GSDMC: variants seen among roughly 807,000 people sequenced by gnomAD.
GSDMC encodes gasdermin-C.
Under a neutral mutation model 58.0 loss-of-function variants are expected in GSDMC, and 59 were observed. The ratio of observed to expected loss-of-function variants is 1.02; its 90% CI spans 0.82 to 1.26. The LOEUF is 1.26. Ranked by LOEUF, GSDMC falls within the 50% of genes most tolerant of loss-of-function variation. GSDMC has a pLI of 0.00. For synonymous variants in GSDMC, 241 were observed against 220.2 expected (o/e 1.09, Z -0.83); for missense variants, 659 against 598.5 (o/e 1.10, Z -1.06).
Position 129,782,208 on chromosome 8 carries a change from A to C in GSDMC, c.-5+3803T>G, listed in dbSNP as rs570532674. Reference sequence around the variant, plus strand: ...CATACCAAAACCCATGGGATACAGCAAAAGCAGTACAAAGAGGGAAATTTA... The same window carrying C: ...CATACCAAAACCCATGGGATACAGCCAAAGCAGTACAAAGAGGGAAATTTA... On this transcript the variant is annotated intron_variant, in intron 1 of 13. Coordinates refer to ENST00000276708, the MANE Select transcript of GSDMC (RefSeq NM_031415.3). 2.6e-5 allele frequency among the ~76,000 whole-genome samples: 4 copies of C among 152,324 alleles called. No homozygotes were observed. In the East Asian group the frequency reaches 5.8e-4, roughly 22 times the overall value.
the GSDMC span, among the ~76,000 whole-genome samples, chr8:129,718,655 C>T: frequency 6.6e-6 from 1 of 152,130 alleles, no homozygotes; most frequent in Non-Finnish European, 1.5e-5. Flanking sequence ...CCAGAAATAC[C>T]ATTTGACCCA....
the GSDMC span, among the ~76,000 whole-genome samples, chr8:129,730,754 T>G: frequency 6.6e-6 from 1 of 152,212 alleles, no homozygotes; most frequent in South Asian, 2.1e-4. Context: ...TTAACAATTT[T>G]CCAACTTTAC....
At chr8:129,773,380 T>G (rs1258575980) in intron 3 of GSDMC, among the ~76,000 whole-genome samples, 1 of 152,206 alleles carries the variant, frequency 6.6e-6, no homozygotes, top group African/African-American at 2.4e-5. Context: ...CCTAAAAACT[T>G]CATTTAAAAA....
At chr8:129,774,541 A>T (rs1458670228) in intron 3 of GSDMC, among the ~76,000 whole-genome samples, 2 of 151,170 alleles carry the variant, frequency 1.3e-5, no homozygotes, top group East Asian at 3.9e-4. Flanking sequence ...AAAAAAAAAA[A>T]GAAAAGAAAA....
the GSDMC span, among the ~76,000 whole-genome samples, chr8:129,732,492 G>T: frequency 2.6e-5 from 4 of 152,180 alleles, no homozygotes; most frequent in African/African-American, 9.7e-5. Context: ...AAGGTCTCCA[G>T]ATGAGAAGGA....
chr8:129,762,026 T>C (rs2033681267), intron 5 of GSDMC, among the ~76,000 whole-genome samples: 1 of 152,124 alleles, frequency 6.6e-6, no homozygotes, highest in South Asian at 2.1e-4. Context: ...TGAGAGCCAG[T>C]TGTGTTCCCA....
chr8:129,777,316 T>A, intron 2 of GSDMC, 52 bp downstream of exon 2: 1 of 1,117,846 alleles, frequency 8.9e-7, no homozygotes, highest in Non-Finnish European at 1.3e-6. Context: ...CATCTTTTTC[T>A]GACCACACAT....
At chr8:129,737,881 C>T in the GSDMC span, among the ~76,000 whole-genome samples, 1 of 152,172 alleles carries the variant, frequency 6.6e-6, no homozygotes, top group African/African-American at 2.4e-5. Flanking sequence ...AGGCAACCTA[C>T]AGAATGGGAG....
At chr8:129,754,120 G>C (rs1196470569) in intron 6 of GSDMC, among the ~76,000 whole-genome samples, 2 of 152,230 alleles carry the variant, frequency 1.3e-5, no homozygotes, top group African/African-American at 4.8e-5. Flanking sequence ...TTTGTCACCT[G>C]CTGATTGTAG....
chr8:129,778,767 A>G lies in GSDMC; in HGVS notation c.-4-1176T>C, dbSNP rs963737052. Among the ~76,000 whole-genome samples the G allele has an allele frequency of 5.3e-5, 6 of 113,416 alleles. 1 individual carries two copies. Among genetic ancestry groups the G allele is most frequent in the Admixed American group, 5.0e-4 (5 of 10,056 alleles). 74.4% of individuals were successfully genotyped at this position (113,416 alleles called of 152,430 possible). ...AGGAACTTGAGCCAATTTACAAGAA[A>G]AAAAAAAAAACATTAAGAAGTGGGC... is the stretch of plus-strand genomic sequence containing the variant. On this transcript the variant is annotated intron_variant, in intron 1 of 13. Coordinates refer to ENST00000276708, the MANE Select transcript of GSDMC (RefSeq NM_031415.3).
chr8:129,706,971 G>C, the GSDMC span: 1 of 152,142 alleles, frequency 6.6e-6, no homozygotes, highest in Non-Finnish European at 1.5e-5. Flanking sequence ...GGAAAATAGA[G>C]AATATTTAAT....
At chr8:129,705,793 G>A in the GSDMC span, among the ~76,000 whole-genome samples, 1 of 152,300 alleles carries the variant, frequency 6.6e-6, no homozygotes, top group East Asian at 1.9e-4. Flanking sequence ...GGAGTGAAGG[G>A]GAGGAGTAGA....
intron 12 of GSDMC, 39 bp from the exon 13 acceptor site, chr8:129,749,564 G>A (rs754140257): frequency 6.7e-7 from 1 of 1,498,978 alleles, no homozygotes; most frequent in Non-Finnish European, 9.3e-7. Flanking sequence ...CAGTAGTGAA[G>A]AATCCAGATT....
chr8:129,776,184 C>T lies in GSDMC; in HGVS notation c.322G>A (p.Glu108Lys). 6.2e-7 allele frequency: 1 copy of T among 1,613,876 alleles called. No individual in the cohort carries two copies. Among genetic ancestry groups the T allele is most frequent in the South Asian group, 1.1e-5 (1 of 91,074 alleles). Residue 108 changes from glutamate to lysine, a missense_variant, in exon 3 of 14, where the codon GAG (glutamate) becomes AAG (lysine). Glu to Lys is a moderately conservative substitution (Grantham distance 56). Coordinates refer to ENST00000276708, the MANE Select transcript of GSDMC (RefSeq NM_031415.3). ...GAGCATCCATGGTCCACAGAGGCCT[C>T]CCCTGACACACTCACTTCTATACCA... ...NVGIEVSVSG[E>K]ASVDHGCSLE...
chr8:129,760,180 C>A (rs1600932), intron 6 of GSDMC, among the ~76,000 whole-genome samples: 1 of 151,830 alleles, frequency 6.6e-6, no homozygotes, highest in Non-Finnish European at 1.5e-5. Context: ...TGAACACATA[C>A]AGATATAAGT....
At chr8:129,719,039 G>C in the GSDMC span, among the ~76,000 whole-genome samples, 2 of 152,160 alleles carry the variant, frequency 1.3e-5, no homozygotes, top group Non-Finnish European at 2.9e-5. Flanking sequence ...GTCAGGAGGT[G>C]GGGGGCTAGG....
chr8:129,713,755 A>G, the GSDMC span, among the ~76,000 whole-genome samples: 4 of 152,146 alleles, frequency 2.6e-5, no homozygotes, highest in Non-Finnish European at 5.9e-5. Context: ...TAAAAGAGTG[A>G]CACTGTGTAA....
chr8:129,762,622 C>A lies in GSDMC; in HGVS notation c.676+4G>T. On this transcript the variant is annotated splice_donor_region_variant and intron_variant, in intron 5 of 13. Transcript: ENST00000276708. ...TCTGCCTTGCTGAGCTCCGCTGCTC[C>A]CACCTTTCTCCTTGATAACCAGCTG... The A allele has an allele frequency of 1.3e-6, 2 of 1,588,698 alleles. No individual in the cohort carries two copies. Among genetic ancestry groups the A allele is most frequent in the Non-Finnish European group, 1.7e-6 (2 of 1,156,634 alleles).
intron 3 of GSDMC, among the ~76,000 whole-genome samples, chr8:129,770,218 A>T (rs1329848204): frequency 1.3e-5 from 2 of 152,222 alleles, no homozygotes; most frequent in Non-Finnish European, 2.9e-5. Context: ...CTCATGCCTC[A>T]TATTATAGAC....
Sources: allele counts gnomAD v4.1 joint callset (sites outside exome capture counted in the v4.1 genomes callset), GRCh38; gene constraint gnomAD v4.1.1; transcripts MANE v1.5; gene names NCBI Gene and HGNC (gene_info 2026-07-23, HGNC 2026-07-21).